Variants in HOMER2 observed in about 807,000 individuals in gnomAD.
The protein encoded by HOMER2 is homer scaffold protein 2.
HOMER2 carries 27 observed loss-of-function variants against 47.0 expected under a neutral mutation model. The ratio of observed to expected loss-of-function variants is 0.57; its 90% CI spans 0.42 to 0.79. The LOEUF is 0.79. Ranked by LOEUF, HOMER2 falls within the 30% of genes least tolerant of loss-of-function variation. The pLI is 0.00. For missense variants in HOMER2, 443 were observed against 435.0 expected (o/e 1.02, Z -0.16); for synonymous variants, 161 against 163.8 (o/e 0.98, Z 0.13).
chr15:82,852,585 T>C (rs1810596083), intron 6 of HOMER2: 1 of 241,892 alleles, frequency 4.1e-6, no homozygotes, highest in African/African-American at 2.3e-5. Context: ...GCTTTAAGGA[T>C]CCATCACAAG....
intron 1 of HOMER2, among the ~76,000 whole-genome samples, chr15:82,982,218 C>T (rs1321110318): frequency 2.0e-5 from 3 of 152,122 alleles, no homozygotes; most frequent in Non-Finnish European, 4.4e-5. Flanking sequence ...CCCATATATT[C>T]TGGTTATACC....
intron 3 of HOMER2, among the ~76,000 whole-genome samples, chr15:82,872,219 T>G (rs888322934): frequency 6.6e-6 from 1 of 152,098 alleles, no homozygotes; most frequent in Non-Finnish European, 1.5e-5. Context: ...CAGCTAATTA[T>G]TCTTTCAACA....
chr15:82,956,297 C>G (rs1187585101), upstream of HOMER2, among the ~76,000 whole-genome samples: 2 of 148,996 alleles, frequency 1.3e-5, no homozygotes, highest in Non-Finnish European at 3.0e-5. Context: ...TCATGGGGAG[C>G]ATGAGGGGAG....
At chr15:82,844,529 GTAA>G, downstream of HOMER2, 1 of 151,980 alleles carries the variant, frequency 6.6e-6, no homozygotes, top group South Asian at 2.1e-4. Context: ...CATGGAAAAA[GTAA>G]TAAAACACAC....
At chr15:82,852,963 G>T (rs559438219) in intron 6 of HOMER2, among the ~76,000 whole-genome samples, 2 of 152,206 alleles carry the variant, frequency 1.3e-5, no homozygotes. Flanking sequence ...TTGAATGCTG[G>T]GGGCCAAAAT....
intron 3 of HOMER2, among the ~76,000 whole-genome samples, chr15:82,868,523 T>TTATATA (rs1244361918): frequency 0.039 from 1,439 of 36,650 alleles, 143 homozygotes; most frequent in Non-Finnish European, 0.049. Context: ...CTTATTTATT[T>TTATATA]TATATATATA....
At chr15:82,836,461 G>T (rs2051128251), downstream of HOMER2, among the ~76,000 whole-genome samples, 2 of 152,248 alleles carry the variant, frequency 1.3e-5, no homozygotes, top group Non-Finnish European at 2.9e-5. Context: ...CTTCCTGCCT[G>T]CCCCCAAAGG....
intron 1 of HOMER2, among the ~76,000 whole-genome samples, chr15:82,940,825 G>A (rs1294481224): frequency 3.3e-5 from 5 of 152,020 alleles, no homozygotes; most frequent in African/African-American, 1.2e-4. Context: ...CCCAGAGGTT[G>A]AGGCTGCAGT....
intron 1 of HOMER2, among the ~76,000 whole-genome samples, chr15:82,911,146 C>T (rs1263356994): frequency 6.6e-6 from 1 of 152,316 alleles, no homozygotes; most frequent in South Asian, 2.1e-4. Context: ...CAGCTCAACC[C>T]TCCCATAGAG....
intron 1 of HOMER2, chr15:82,951,989 T>A: frequency 1.1e-6 from 1 of 936,838 alleles, no homozygotes; most frequent in Non-Finnish European, 1.3e-6. Context: ...TACTCAGTTG[T>A]TTCAAAGACT....
chr15:82,855,508 G>C (rs1427814911), intron 5 of HOMER2, among the ~76,000 whole-genome samples: 1 of 152,108 alleles, frequency 6.6e-6, no homozygotes, highest in Non-Finnish European at 1.5e-5. Flanking sequence ...GAAAGCCATG[G>C]ACGGACCTCC....
intron 5 of HOMER2, 151 bp downstream of exon 5, chr15:82,858,878 T>TG (rs2051678251): frequency 1.2e-6 from 1 of 838,094 alleles, no homozygotes; most frequent in South Asian, 1.9e-5. Flanking sequence ...TGAAGCCAGC[T>TG]GGCCTTCCTT....
At chr15:82,942,688 A>T (rs1366094683) in intron 1 of HOMER2, among the ~76,000 whole-genome samples, 2 of 152,204 alleles carry the variant, frequency 1.3e-5, no homozygotes, top group African/African-American at 4.8e-5. Context: ...CAATGGGGAG[A>T]AACCACTTAA....
intron 1 of HOMER2, among the ~76,000 whole-genome samples, chr15:82,943,386 C>G (rs1050832522): frequency 1.3e-5 from 2 of 152,144 alleles, no homozygotes; most frequent in African/African-American, 4.8e-5. Flanking sequence ...GCTCAGTCCA[C>G]TTGGAGGAGT....
chr15:82,940,226 G>T (rs1327882793), intron 1 of HOMER2, among the ~76,000 whole-genome samples: 1 of 151,728 alleles, frequency 6.6e-6, no homozygotes, highest in Non-Finnish European at 1.5e-5. Context: ...ATAAAAAAAA[G>T]AAAAAGAAAA....
intron 6 of HOMER2, 66 bp downstream of exon 6, chr15:82,854,578 G>A: frequency 6.6e-7 from 1 of 1,508,226 alleles, no homozygotes; most frequent in Non-Finnish European, 9.0e-7. Flanking sequence ...AAAGGGTTGT[G>A]GGTGCCCCCA....
At chr15:82,985,181 CT>C (rs2030548467) in intron 1 of HOMER2, among the ~76,000 whole-genome samples, 1 of 152,132 alleles carries the variant, frequency 6.6e-6, no homozygotes, top group African/African-American at 2.4e-5. Context: ...TGGTTTACCA[CT>C]GACTGAGGGA....
chr15:82,910,566 G>A (rs907771967), intron 1 of HOMER2, among the ~76,000 whole-genome samples: 2 of 152,296 alleles, frequency 1.3e-5, no homozygotes, highest in Middle Eastern at 3.4e-3. Context: ...TGGCATTCTG[G>A]AGATGTATAG....
At chr15:82,967,522 T>C (rs2054685478) in intron 1 of HOMER2, among the ~76,000 whole-genome samples, 1 of 152,086 alleles carries the variant, frequency 6.6e-6, no homozygotes. Flanking sequence ...AGGTGGTAGG[T>C]ATGTGATGGT....
Sources: gnomAD v4.1 joint callset for allele counts (sites outside exome capture counted in the v4.1 genomes callset) on GRCh38, gnomAD v4.1.1 for gene constraint, MANE v1.5 for transcripts, NCBI Gene and HGNC (gene_info 2026-07-23, HGNC 2026-07-21) for gene names.